Variants in ASIC2 observed in about 807,000 individuals in gnomAD.
The protein encoded by ASIC2 is acid sensing ion channel subunit 2.
A neutral mutation model predicts 57.3 loss-of-function variants in ASIC2; 25 were observed. The observed-to-expected ratio is 0.44, with a 90% CI of 0.32 to 0.61. ASIC2 has a LOEUF of 0.61. Ranked by LOEUF, ASIC2 falls within the 20% of genes least tolerant of loss-of-function variation. ASIC2 has a pLI of 0.06. For missense variants in ASIC2, 641 were observed against 738.1 expected, an observed-to-expected ratio of 0.87 and a Z score of 1.52; for synonymous variants, 319 against 307.5, an observed-to-expected ratio of 1.04 and a Z score of -0.39.
chr17:33,748,878 A>G (rs1910344821), intron 1 of ASIC2, among the ~76,000 whole-genome samples: 1 of 152,210 alleles, frequency 6.6e-6, no homozygotes. Flanking sequence ...CAGGAGCTCA[A>G]ATGGGAAGGA....
At chr17:33,192,592 C>G (rs747853100) in intron 1 of ASIC2, among the ~76,000 whole-genome samples, 1 of 152,156 alleles carries the variant, frequency 6.6e-6, no homozygotes, top group Non-Finnish European at 1.5e-5. Flanking sequence ...CACCTCCTAA[C>G]GTCAGCCATT....
chr17:33,380,124 T>C (rs1481835450), intron 1 of ASIC2, among the ~76,000 whole-genome samples: 2 of 151,106 alleles, frequency 1.3e-5, no homozygotes, highest in Non-Finnish European at 2.9e-5. Context: ...CACGTGCCTG[T>C]AATCCCAGCT....
At chr17:33,945,218 A>C (rs1329404163) in intron 1 of ASIC2, among the ~76,000 whole-genome samples, 4 of 152,156 alleles carry the variant, frequency 2.6e-5, no homozygotes, top group Admixed American at 6.5e-5. Context: ...AAAGGGAGTT[A>C]CAATGTCGAT....
intron 1 of ASIC2, among the ~76,000 whole-genome samples, chr17:33,499,102 C>T (rs981391139): frequency 2.0e-5 from 3 of 152,174 alleles, no homozygotes; most frequent in African/African-American, 7.2e-5. Context: ...GCATCCATGT[C>T]CCCTTCTTCC....
At chr17:33,348,991 A>G (rs1451819243) in intron 1 of ASIC2, among the ~76,000 whole-genome samples, 8 of 151,976 alleles carry the variant, frequency 5.3e-5, no homozygotes, top group Admixed American at 5.2e-4. Context: ...TTGAATGCAG[A>G]CTCTTATTCA....
intron 1 of ASIC2, among the ~76,000 whole-genome samples, chr17:33,812,213 A>G (rs1263578876): frequency 6.6e-6 from 1 of 152,082 alleles, no homozygotes; most frequent in Non-Finnish European, 1.5e-5. Context: ...TCCTTTGCCA[A>G]TTGCTCTTGA....
intron 1 of ASIC2, among the ~76,000 whole-genome samples, chr17:34,058,783 ATGAGG>A (rs1269214264): frequency 3.9e-5 from 6 of 152,212 alleles, no homozygotes; most frequent in Non-Finnish European, 8.8e-5. Context: ...CAGGGACTCC[ATGAGG>A]TGACATCATG....
intron 1 of ASIC2, among the ~76,000 whole-genome samples, chr17:34,019,112 G>A (rs538332748): frequency 6.6e-6 from 1 of 152,180 alleles, no homozygotes; most frequent in South Asian, 2.1e-4. Flanking sequence ...GTTTCGCTGT[G>A]TTAGCCAGGA....
At chr17:33,410,091 C>T (rs909867900) in intron 1 of ASIC2, among the ~76,000 whole-genome samples, 4 of 152,144 alleles carry the variant, frequency 2.6e-5, no homozygotes, top group African/African-American at 9.7e-5. Flanking sequence ...GAGCCAGCTT[C>T]AAAGATGATG....
intron 1 of ASIC2, among the ~76,000 whole-genome samples, chr17:34,103,798 T>A (rs1243355681): frequency 6.6e-6 from 1 of 152,238 alleles, no homozygotes; most frequent in African/African-American, 2.4e-5. Context: ...TTCTCTGGTC[T>A]GCTGCAGTGA....
intron 1 of ASIC2, among the ~76,000 whole-genome samples, chr17:33,197,725 AC>A (rs1454089386): frequency 2.6e-5 from 4 of 152,228 alleles, no homozygotes; most frequent in African/African-American, 9.6e-5. Context: ...AAATAGAAGG[AC>A]AATTCGGGAG....
intron 1 of ASIC2, among the ~76,000 whole-genome samples, chr17:33,327,545 G>A (rs1395269689): frequency 6.6e-6 from 1 of 152,180 alleles, no homozygotes; most frequent in Non-Finnish European, 1.5e-5. Flanking sequence ...GCACTGCACT[G>A]GGGATGTCAG....
At chr17:33,851,711 A>G (rs1913770372) in intron 1 of ASIC2, among the ~76,000 whole-genome samples, 1 of 152,204 alleles carries the variant, frequency 6.6e-6, no homozygotes, top group Non-Finnish European at 1.5e-5. Context: ...TCTAGACGCC[A>G]GTAGTATCCC....
intron 1 of ASIC2, among the ~76,000 whole-genome samples, chr17:33,709,710 G>T (rs1305164891): frequency 6.6e-6 from 1 of 152,204 alleles, no homozygotes; most frequent in Non-Finnish European, 1.5e-5. Flanking sequence ...TCAGTTAAGG[G>T]ATTTAATTTG....
chr17:33,961,345 G>A (rs1235132168), intron 1 of ASIC2, among the ~76,000 whole-genome samples: 1 of 152,230 alleles, frequency 6.6e-6, no homozygotes. Context: ...AGGGATAACA[G>A]GGGCAGAAGA....
chr17:33,236,890 T>C (rs991814158), intron 1 of ASIC2, among the ~76,000 whole-genome samples: 1 of 152,164 alleles, frequency 6.6e-6, no homozygotes, highest in African/African-American at 2.4e-5. Flanking sequence ...AGAGGAAGCA[T>C]GAGTCTGCCA....
intron 6 of ASIC2, among the ~76,000 whole-genome samples, chr17:33,022,613 T>C (rs1447713474): frequency 6.6e-6 from 1 of 152,250 alleles, no homozygotes; most frequent in Non-Finnish European, 1.5e-5. Flanking sequence ...TGATGGTCTC[T>C]GCTGAGCTTC....
chr17:33,514,316 A>T (rs1914506780), intron 1 of ASIC2, among the ~76,000 whole-genome samples: 1 of 152,076 alleles, frequency 6.6e-6, no homozygotes, highest in South Asian at 2.1e-4. Flanking sequence ...GAAATGCACC[A>T]CTGAGAAGCA....
At chr17:34,002,156 C>T (rs1448167351) in intron 1 of ASIC2, 1 of 152,244 alleles carries the variant, frequency 6.6e-6, no homozygotes, top group African/African-American at 2.4e-5. Flanking sequence ...CAAACCCATC[C>T]TTCTATACAC....
Sources: gnomAD v4.1 joint callset for allele counts (sites outside exome capture counted in the v4.1 genomes callset) on GRCh38, gnomAD v4.1.1 for gene constraint, MANE v1.5 for transcripts, NCBI Gene and HGNC (gene_info 2026-07-23, HGNC 2026-07-21) for gene names.